The following TNS1 variants were observed in gnomAD, a reference collection of about 807,000 sequenced individuals.
TNS1 encodes tensin 1, also known as tensin-1.
In TNS1, 62 loss-of-function variants were observed where a neutral mutation model predicts 168.6. The observed-to-expected ratio is 0.37, with a 90% CI of 0.30 to 0.45. TNS1 has a LOEUF of 0.45. Ranked by LOEUF, TNS1 falls within the 20% of genes least tolerant of loss-of-function variation. The pLI, the probability that TNS1 is intolerant of heterozygous loss-of-function variation, is 1.00. For missense variants in TNS1, 2,240 were observed against 2,339.4 expected (o/e 0.96, Z 0.88); for synonymous variants, 934 against 933.2 (o/e 1.00, Z -0.02).
chr2:217,814,815 A>G (rs975313538), intron 25 of TNS1, 97 bp downstream of exon 25: 4 of 999,074 alleles, frequency 4.0e-6, no homozygotes, highest in Non-Finnish European at 6.1e-6. Flanking sequence ...CCCCTGCTAC[A>G]AAGAGGACTG....
At chr2:217,904,557 T>C (rs1953427708) in intron 6 of TNS1, among the ~76,000 whole-genome samples, 1 of 152,090 alleles carries the variant, frequency 6.6e-6, no homozygotes, top group Non-Finnish European at 1.5e-5. Flanking sequence ...GCTCATTTTG[T>C]CTCTCCTCCC....
chr2:217,906,010 T>TCGGTTTCCCTTGCTGTGGTTTTGCG (rs1490386699), intron 6 of TNS1, among the ~76,000 whole-genome samples: 1 of 152,192 alleles, frequency 6.6e-6, no homozygotes, highest in Non-Finnish European at 1.5e-5. Context: ...GCCTCAGCCC[T>TCGGTTTCCCTTGCTGTGGTTTTGCG]CGGTTTCCCT....
At chr2:217,969,324 A>G (rs1205196807) in intron 3 of TNS1, among the ~76,000 whole-genome samples, 1 of 152,226 alleles carries the variant, frequency 6.6e-6, no homozygotes, top group Non-Finnish European at 1.5e-5. Flanking sequence ...TTAACTCAAA[A>G]TGGATAAAAG....
intron 1 of TNS1, among the ~76,000 whole-genome samples, chr2:218,022,771 C>A (rs1414781005): frequency 2.7e-5 from 3 of 109,702 alleles, no homozygotes; most frequent in Admixed American, 1.3e-4. Context: ...GGGGAAGGGG[C>A]AGCAGGCAAG....
At chr2:217,978,232 G>C (rs554249995) in intron 3 of TNS1, among the ~76,000 whole-genome samples, 5 of 152,108 alleles carry the variant, frequency 3.3e-5, no homozygotes, top group African/African-American at 9.7e-5. Context: ...CCAATAAAGA[G>C]GAAGGGACAG....
chr2:217,951,344 T>C (rs1957236046), intron 3 of TNS1, among the ~76,000 whole-genome samples: 2 of 152,208 alleles, frequency 1.3e-5, no homozygotes, highest in Non-Finnish European at 2.9e-5. Context: ...CTCTGTCATG[T>C]ATCTCCCTGC....
intron 16 of TNS1, among the ~76,000 whole-genome samples, chr2:217,884,097 C>T (rs1056052238): frequency 1.0e-4 from 13 of 124,260 alleles, no homozygotes; most frequent in South Asian, 2.6e-4. Context: ...AGCACATGCC[C>T]GACACATACA....
chr2:217,937,174 G>A, intron 3 of TNS1: 1 of 365,568 alleles, frequency 2.7e-6, no homozygotes, highest in Non-Finnish European at 5.3e-6. Flanking sequence ...GCAACACTCT[G>A]TCTACTCCCC....
intron 18 of TNS1, among the ~76,000 whole-genome samples, chr2:217,876,740 A>C (rs1332586210): frequency 1.3e-5 from 2 of 152,144 alleles, no homozygotes; most frequent in African/African-American, 4.8e-5. Flanking sequence ...TGGTGTCTTT[A>C]TAAGAAGAGA....
In TNS1 at chr2:217,880,831, A is replaced by G; in HGVS notation, c.1429+67T>C. 2.4e-6 allele frequency: 3 copies of G among 1,252,452 alleles called. No individual in the cohort carries two copies. The South Asian group carries it at 3.7e-5, about 15-fold the overall frequency. 77.6% of individuals were successfully genotyped at this position (1,252,452 alleles called of 1,614,324 possible). A position where few individuals can be genotyped will look rare whatever the true frequency, so the allele number is the denominator to read the frequency against. ...GATCTCTTGAAAGCAGGCCAAGAGAAGCAAGGTCATGTGAGCAGAGGCTGT... is the reference window on the plus strand; with the variant it reads ...GATCTCTTGAAAGCAGGCCAAGAGAGGCAAGGTCATGTGAGCAGAGGCTGT... On this transcript the variant is annotated intron_variant, in intron 18 of 32. Transcript: ENST00000682258. The surrounding 1 kb of genome is among the most constrained non-coding windows in gnomAD (Gnocchi z 4.2).
intron 22 of TNS1, among the ~76,000 whole-genome samples, chr2:217,828,326 A>T (rs1441913474): frequency 2.0e-5 from 3 of 152,126 alleles, no homozygotes; most frequent in African/African-American, 7.2e-5. Flanking sequence ...CAATCATCCT[A>T]CCTGGGTGAC....
chr2:217,964,435 T>G (rs745580701), intron 3 of TNS1, among the ~76,000 whole-genome samples: 1 of 152,192 alleles, frequency 6.6e-6, no homozygotes, highest in African/African-American at 2.4e-5. Context: ...TCCCTAAGCC[T>G]GGGCTCAAGT....
intron 3 of TNS1, 153 bp downstream of exon 3, chr2:217,978,612 C>A: frequency 2.0e-6 from 1 of 502,240 alleles, no homozygotes; most frequent in Non-Finnish European, 3.5e-6. Context: ...GACCTGCGCC[C>A]GCTCCCAGGC....
chr2:217,850,431 C>T (rs566268914), intron 18 of TNS1: 1 of 985,218 alleles, frequency 1.0e-6, no homozygotes, highest in African/African-American at 1.7e-5. Context: ...TCTGAGGACC[C>T]CCCTGAGCAA....
At chr2:217,837,081 G>A (rs900391511) in intron 19 of TNS1, among the ~76,000 whole-genome samples, 1 of 152,062 alleles carries the variant, frequency 6.6e-6, no homozygotes, top group Non-Finnish European at 1.5e-5. Context: ...CACTTCCTGG[G>A]TCCCAGAGGC....
intron 22 of TNS1, chr2:217,830,371 C>T: frequency 6.2e-7 from 1 of 1,614,140 alleles, no homozygotes; most frequent in African/African-American, 1.3e-5. Flanking sequence ...ACCTACCTGG[C>T]TGGATCCGTC....
intron 1 of TNS1, among the ~76,000 whole-genome samples, chr2:218,019,382 A>T (rs1958787855): frequency 6.6e-6 from 1 of 152,240 alleles, no homozygotes; most frequent in Admixed American, 6.5e-5. Flanking sequence ...TTGCCAGATA[A>T]TTCTTAGTCT....
intron 18 of TNS1, chr2:217,858,463 G>T: frequency 1.0e-6 from 1 of 960,930 alleles, no homozygotes; most frequent in Non-Finnish European, 1.2e-6. Flanking sequence ...AACACTCACA[G>T]GCAAAACAAC....
chr2:217,881,035 A>G (rs371334957), intron 17 of TNS1, 21 bp from the exon 18 acceptor site: 34 of 1,565,210 alleles, frequency 2.2e-5, no homozygotes, highest in Middle Eastern at 1.7e-4. Context: ...TGGGAAAGGC[A>G]GCGGCAGTCG....
Sources: allele counts gnomAD v4.1 joint callset (sites outside exome capture counted in the v4.1 genomes callset), GRCh38; gene constraint gnomAD v4.1.1; non-coding constraint Gnocchi (gnomAD v3.1); transcripts MANE v1.5; gene names NCBI Gene and HGNC (gene_info 2026-07-23, HGNC 2026-07-21).